RGS20: variants seen among roughly 807,000 people sequenced by gnomAD.
RGS20 encodes regulator of G protein signaling 20.
Under a neutral mutation model 33.6 loss-of-function variants are expected in RGS20, and 30 were observed. The observed-to-expected ratio is 0.89, with a 90% CI of 0.67 to 1.21. RGS20 has a LOEUF of 1.21. Among genes scored for constraint, RGS20 ranks in the 50% most tolerant of loss-of-function variants. RGS20 has a pLI of 0.00. For synonymous variants in RGS20, 208 were observed against 197.9 expected (o/e 1.05, Z -0.43); for missense variants, 472 against 502.4 (o/e 0.94, Z 0.58).
chr8:53,880,993 T>C, intron 2 of RGS20: 3 of 1,593,786 alleles, frequency 1.9e-6, no homozygotes, highest in South Asian at 1.1e-5. Flanking sequence ...CGCTGCAATA[T>C]TGAGAAGGCA....
At chr8:53,897,638 C>G (rs1306527280) in intron 2 of RGS20, among the ~76,000 whole-genome samples, 1 of 152,160 alleles carries the variant, frequency 6.6e-6, no homozygotes, top group Middle Eastern at 3.2e-3. Context: ...CTTTACTAAT[C>G]TTCCTCATCA....
At chr8:53,879,729 G>A in intron 2 of RGS20, 9 of 824,032 alleles carry the variant, frequency 1.1e-5, no homozygotes, top group Non-Finnish European at 1.6e-5. Context: ...GCAAGGTCGG[G>A]AAGGCCGGGA....
intron 4 of RGS20, among the ~76,000 whole-genome samples, chr8:53,950,464 A>G (rs1814678135): frequency 6.6e-6 from 1 of 152,166 alleles, no homozygotes; most frequent in African/African-American, 2.4e-5. Context: ...AATTATTCCA[A>G]TGAGCATTTC....
At chr8:53,905,703 A>G (rs970617292) in intron 2 of RGS20, among the ~76,000 whole-genome samples, 1 of 152,104 alleles carries the variant, frequency 6.6e-6, no homozygotes, top group African/African-American at 2.4e-5. Context: ...CCCTGTTGCT[A>G]TTTTCAGGTA....
chr8:53,932,080 G>A (rs575111638), intron 2 of RGS20, among the ~76,000 whole-genome samples: 32 of 152,202 alleles, frequency 2.1e-4, no homozygotes, highest in African/African-American at 4.8e-4. Flanking sequence ...GTTGAATATC[G>A]GACCCCACTC....
intron 1 of RGS20, among the ~76,000 whole-genome samples, chr8:53,878,976 C>G (rs542737095): frequency 6.6e-6 from 1 of 152,138 alleles, no homozygotes; most frequent in African/African-American, 2.4e-5. Context: ...ATGCAGATTC[C>G]GATGCATTGG....
chr8:53,920,348 T>C (rs952494430), intron 2 of RGS20, among the ~76,000 whole-genome samples: 1 of 152,204 alleles, frequency 6.6e-6, no homozygotes, highest in African/African-American at 2.4e-5. Flanking sequence ...ATACAATTGA[T>C]TTTTCTTTGT....
At chr8:53,926,916 A>G (rs199901867) in intron 2 of RGS20, among the ~76,000 whole-genome samples, 1 of 152,052 alleles carries the variant, frequency 6.6e-6, no homozygotes, top group Admixed American at 6.5e-5. Context: ...CCATCTCAAA[A>G]AAAGAAAGAA....
chr8:53,877,635 G>T lies in RGS20; in HGVS notation c.166-1623G>T, dbSNP rs1456367045. Among the ~76,000 whole-genome samples the T allele has an allele frequency of 1.3e-5, 2 of 152,204 alleles. No homozygotes were observed. The highest frequency in any genetic ancestry group is 6.5e-5 in the Admixed American group (1 of 15,288). ...CCAGCCCCTAAAATAAAAGCACCTTGCCAGAGAGCGGGGGAGGGGAGCAGC... is the reference window on the plus strand; with the variant it reads ...CCAGCCCCTAAAATAAAAGCACCTTTCCAGAGAGCGGGGGAGGGGAGCAGC... On this transcript the variant is annotated intron_variant, in intron 1 of 5. Transcript: ENST00000297313. The surrounding 1 kb of genome is among the most constrained non-coding windows in gnomAD (Gnocchi z 5.7).
At position 53,907,705 on chromosome 8, in the gene RGS20, A is replaced by AACTC. The variant is rs1217839647; in HGVS notation, c.510+28105_510+28106insTCAC. Among the ~76,000 whole-genome samples, 167 of 152,200 alleles carry AACTC rather than the reference A, an allele frequency of 1.1e-3. 1 individual carries two copies. Among genetic ancestry groups the AACTC allele is most frequent in the African/African-American group, 3.8e-3 (159 of 41,516 alleles). On this transcript the variant is annotated intron_variant, in intron 2 of 5. Transcript: ENST00000297313. ...CTCCTGGGAGGCCAGAGGCCAGGCT[A>AACTC]ACAGGCTCCTGCATCTCATGGCTTC...
chr8:53,873,000 G>A (rs903926673), intron 1 of RGS20, among the ~76,000 whole-genome samples: 3 of 152,098 alleles, frequency 2.0e-5, no homozygotes, highest in Non-Finnish European at 4.4e-5. Context: ...AGTGTTGGAG[G>A]CATGACCTGG....
At chr8:53,954,922 G>A (rs1040349857) in intron 5 of RGS20, among the ~76,000 whole-genome samples, 1 of 151,236 alleles carries the variant, frequency 6.6e-6, no homozygotes, top group Admixed American at 6.6e-5. Flanking sequence ...TCTTGACCTC[G>A]TGATCCACCT....
rs148845310 is a variant in RGS20, at chr8:53,865,301, A to G, written c.165+13237A>G. Among the ~76,000 whole-genome samples, 865 of 152,314 alleles carry G rather than the reference A, an allele frequency of 5.7e-3. 12 individuals carry two copies. The highest frequency in any genetic ancestry group is 0.02 in the African/African-American group (830 of 41,584). On this transcript the variant is annotated intron_variant, in intron 1 of 5. Coordinates refer to ENST00000297313, the MANE Select transcript of RGS20 (RefSeq NM_170587.4). ...AGGCCTTCTCTGAACATCCATTTTAACAAACCTCATACCTTCAGGGTCTAC... is the reference window on the plus strand; with the variant it reads ...AGGCCTTCTCTGAACATCCATTTTAGCAAACCTCATACCTTCAGGGTCTAC...
At chr8:53,879,193 C>A (rs1035020525) in intron 1 of RGS20, 64 of 1,326,106 alleles carry the variant, frequency 4.8e-5, no homozygotes, top group Non-Finnish European at 6.6e-5. Context: ...AGTAAAGAGC[C>A]CCATCTAAGC....
chr8:53,890,147 T>C (rs1812673171), intron 2 of RGS20, among the ~76,000 whole-genome samples: 1 of 152,228 alleles, frequency 6.6e-6, no homozygotes, highest in Admixed American at 6.5e-5. Flanking sequence ...TCTGTTTTGT[T>C]CATTTCGCAT....
In RGS20 at chr8:53,958,294, G is replaced by A. The variant is rs1476280262; in HGVS notation, c.1003G>A (p.Glu335Lys). The change falls in exon 6 of 6, where the codon GAA (glutamate) becomes AAA (lysine). Residue 335 changes from glutamate to lysine, a missense_variant. Glu to Lys is a moderately conservative substitution (Grantham distance 56). Around this residue, in one of 3 missense-constraint regions of RGS20, gnomAD observed 125 missense variants for 169.5 expected, o/e 0.74. Transcript: ENST00000297313. ...GGTGAGCTTAGACTCCCGGGTGAGA[G>A]AAGTGATCAACAGAAACATGGTGGA... 7 of 1,612,674 alleles carry A rather than the reference G, an allele frequency of 4.3e-6. No individual in the cohort carries two copies. Among genetic ancestry groups the A allele is most frequent in the Non-Finnish European group, 5.9e-6 (7 of 1,179,358 alleles).
At chr8:53,895,839 G>A (rs1233092491) in intron 2 of RGS20, among the ~76,000 whole-genome samples, 1 of 151,764 alleles carries the variant, frequency 6.6e-6, no homozygotes, top group East Asian at 1.9e-4. Context: ...TAGAAATAGG[G>A]TTTCACCATG....
Position 53,958,487 on chromosome 8 carries a change from AAAT to A in RGS20, c.*35_*37del, listed in dbSNP as rs1356416885. On this transcript the variant is annotated 3_prime_UTR_variant, in exon 6 of 6. Transcript: ENST00000297313. ...TTTTCAAATATATTTATTATTAATA[AAAT>A]AATAAAAGAATTCATGGGCTACAAC... 8.2e-6 allele frequency: 10 copies of A among 1,226,832 alleles called. No homozygotes were observed. In the East Asian group the frequency reaches 2.3e-4, roughly 29 times the overall value. The allele number at this position is 1,226,832 out of a possible 1,614,324, so 76.0% of individuals were successfully genotyped here. A position where few individuals can be genotyped will look rare whatever the true frequency, so the allele number is the denominator to read the frequency against.
intron 1 of RGS20, among the ~76,000 whole-genome samples, chr8:53,878,160 A>G (rs536504328): frequency 3.9e-5 from 6 of 152,172 alleles, no homozygotes; most frequent in Non-Finnish European, 5.9e-5. Context: ...CAGACAGATT[A>G]AATTGTTTTT....
Sources: gnomAD v4.1 joint callset for allele counts (sites outside exome capture counted in the v4.1 genomes callset) on GRCh38, gnomAD v4.1.1 for gene constraint, gnomAD v4.1.1 regional missense constraint, Gnocchi (gnomAD v3.1) non-coding constraint, MANE v1.5 for transcripts, NCBI Gene and HGNC (gene_info 2026-07-23, HGNC 2026-07-21) for gene names.